UEVLD: variants seen among roughly 807,000 people sequenced by gnomAD.
UEVLD encodes the protein UEV and lactate/malate dehyrogenase domains, also known as ubiquitin-conjugating enzyme E2 variant 3.
In UEVLD, 47 loss-of-function variants were observed where a neutral mutation model predicts 58.6. The ratio of observed to expected loss-of-function variants is 0.80; its 90% confidence interval spans 0.63 to 1.02. The LOEUF (loss-of-function observed/expected upper bound fraction) is 1.02. UEVLD is among the 50% of genes least tolerant of loss of function. The pLI is 0.00. For missense variants in UEVLD, 510 were observed against 550.6 expected (o/e 0.93, Z 0.74); for synonymous variants, 197 against 195.3 (o/e 1.01, Z -0.07).
At chr11:18,562,401 G>T (rs1199271156) in intron 6 of UEVLD, among the ~76,000 whole-genome samples, 2 of 152,088 alleles carry the variant, frequency 1.3e-5, no homozygotes, top group Admixed American at 6.6e-5. Context: ...AATTAGCTGG[G>T]TGTAGTGGCA....
At position 18,558,150 on chromosome 11, in the gene UEVLD, T is replaced by C. The variant is rs561375799; in HGVS notation, c.715+78A>G. The C allele has an allele frequency of 2.6e-5, 26 of 995,288 alleles. No individual in the cohort carries two copies. In the African/African-American group the frequency reaches 3.2e-4, roughly 12 times the overall value. 61.7% of individuals were successfully genotyped at this position (995,288 alleles called of 1,614,324 possible). On this transcript the variant is annotated intron_variant, in intron 7 of 11. Coordinates refer to ENST00000396197, the MANE Select transcript of UEVLD (RefSeq NM_001040697.4). Reference sequence around the variant, plus strand: ...GACTTGGACAAGGTGATCTTTAAGGTGCTTTTCAGCATTAACATTCTAGGA... The same window carrying C: ...GACTTGGACAAGGTGATCTTTAAGGCGCTTTTCAGCATTAACATTCTAGGA...
intron 1 of UEVLD, among the ~76,000 whole-genome samples, chr11:18,584,951 G>T (rs1339048540): frequency 6.6e-6 from 1 of 152,058 alleles, no homozygotes; most frequent in Middle Eastern, 3.2e-3. Flanking sequence ...TTCTAATATT[G>T]ATTTGTAGGC....
chr11:18,564,387 A>T (rs1455057733), intron 6 of UEVLD, among the ~76,000 whole-genome samples: 1 of 152,188 alleles, frequency 6.6e-6, no homozygotes, highest in Non-Finnish European at 1.5e-5. Flanking sequence ...ACCTCTCTGG[A>T]AGGGCATTTA....
chr11:18,588,094 G>C (rs539728238), intron 1 of UEVLD, among the ~76,000 whole-genome samples: 11 of 152,236 alleles, frequency 7.2e-5, no homozygotes, highest in Non-Finnish European at 1.3e-4. Flanking sequence ...ATAGTGGCTA[G>C]AGGAAGGGAA....
At chr11:18,544,926 A>C in intron 8 of UEVLD, 130 bp from the exon 9 acceptor site, 1 of 518,188 alleles carries the variant, frequency 1.9e-6, no homozygotes, top group South Asian at 3.0e-5. Flanking sequence ...ATGTATATAT[A>C]TACACACACA....
intron 7 of UEVLD, among the ~76,000 whole-genome samples, chr11:18,554,123 CTT>C (rs896403401): frequency 1.2e-4 from 18 of 152,120 alleles, no homozygotes; most frequent in African/African-American, 3.4e-4. Flanking sequence ...GAGTTTCGCT[CTT>C]GTTGCCCCCA....
chr11:18,538,726 A>G (rs1300573016), intron 9 of UEVLD, among the ~76,000 whole-genome samples: 5 of 151,786 alleles, frequency 3.3e-5, no homozygotes, highest in Non-Finnish European at 7.4e-5. Context: ...TACTTGCCAT[A>G]GTTAAGTTGA....
chr11:18,547,408 T>G (rs1440603344), intron 7 of UEVLD, among the ~76,000 whole-genome samples: 1 of 152,076 alleles, frequency 6.6e-6, no homozygotes, highest in Non-Finnish European at 1.5e-5. Flanking sequence ...GACTGTAGTC[T>G]CAGCTACTCA....
intron 3 of UEVLD, 138 bp from the exon 4 acceptor site, chr11:18,570,515 G>T: frequency 1.3e-6 from 1 of 746,534 alleles, no homozygotes; most frequent in Non-Finnish European, 2.0e-6. Flanking sequence ...GGATGCTGAG[G>T]TGAGCAGATT....
At chr11:18,562,195 A>C (rs1852067957) in intron 6 of UEVLD, among the ~76,000 whole-genome samples, 3 of 152,092 alleles carry the variant, frequency 2.0e-5, no homozygotes, top group Admixed American at 2.0e-4. Context: ...AGCAATCCTC[A>C]GCCACCCAAG....
intron 6 of UEVLD, among the ~76,000 whole-genome samples, chr11:18,559,261 C>T (rs977210135): frequency 3.3e-5 from 5 of 152,014 alleles, no homozygotes; most frequent in African/African-American, 9.7e-5. Context: ...TGCATTAGCA[C>T]GAGCTCAGCT....
At position 18,570,979 on chromosome 11, in the gene UEVLD, A is replaced by C. The variant is rs184302288; in HGVS notation, c.194-602T>G. Among the ~76,000 whole-genome samples, 307 of 152,180 alleles carry C rather than the reference A, an allele frequency of 2.0e-3. 4 individuals are homozygous for C. Among genetic ancestry groups the C allele is most frequent in the Non-Finnish European group, 1.8e-4 (12 of 68,004 alleles). On this transcript the variant is annotated intron_variant, in intron 3 of 11. Transcript: ENST00000396197. ...AATCAAATTTTCAAAAATGTTTACT[A>C]ATATAGCCAGAGTGGCAGCCCAAAT...
Position 18,578,841 on chromosome 11 carries a change from T to A in UEVLD, c.43-33A>T, listed in dbSNP as rs2134061386. 3 of 1,465,552 alleles carry A rather than the reference T, an allele frequency of 2.0e-6. No homozygotes were observed. In the East Asian group the frequency reaches 6.8e-5, roughly 33 times the overall value. The allele number at this position is 1,465,552 out of a possible 1,614,324, so 90.8% of individuals were successfully genotyped here. ...GAGAAAAATAAGCATGGAGTAAGAATAAAGCTGTAAGCAAAAGAACAATTG... is the reference window on the plus strand; with the variant it reads ...GAGAAAAATAAGCATGGAGTAAGAAAAAAGCTGTAAGCAAAAGAACAATTG... On this transcript the variant is annotated intron_variant, in intron 1 of 11. Coordinates refer to ENST00000396197, the MANE Select transcript of UEVLD (RefSeq NM_001040697.4).
intron 9 of UEVLD, 122 bp from the exon 10 acceptor site, chr11:18,536,591 T>C: frequency 1.3e-6 from 1 of 798,370 alleles, no homozygotes; most frequent in East Asian, 2.7e-5. Context: ...TTCTCATTTC[T>C]AGCAAGTTAG....
chr11:18,561,613 G>A (rs142957357), intron 6 of UEVLD, among the ~76,000 whole-genome samples: 2,325 of 152,090 alleles, frequency 0.015, 71 homozygotes, highest in African/African-American at 0.053. Context: ...AGGCCGAGGC[G>A]GGCAGATTGC....
At chr11:18,567,497 A>G (rs1482377879) in intron 4 of UEVLD, among the ~76,000 whole-genome samples, 2 of 152,250 alleles carry the variant, frequency 1.3e-5, no homozygotes. Flanking sequence ...TTGGGGACCA[A>G]GCAGGTAACG....
chr11:18,551,412 G>C (rs879489682), intron 7 of UEVLD, among the ~76,000 whole-genome samples: 15,722 of 135,258 alleles, frequency 0.12, 1,133 homozygotes, highest in South Asian at 0.24. Flanking sequence ...AACCGAGTAA[G>C]ACTCCATCAC....
At chr11:18,545,223 C>T (rs1851257184) in intron 8 of UEVLD, among the ~76,000 whole-genome samples, 1 of 150,970 alleles carries the variant, frequency 6.6e-6, no homozygotes, top group Non-Finnish European at 1.5e-5. Context: ...TAGGCACCTG[C>T]CACCATGCCC....
rs1049919243 is a variant in UEVLD at position 18,546,591 on chromosome 11, G to C, written c.886+289C>G. 2.0e-5 allele frequency among the ~76,000 whole-genome samples: 3 copies of C among 151,324 alleles called. No homozygotes were observed. The East Asian group carries it at 5.8e-4, about 29-fold the overall frequency. ...TGGCCTCACTGCAACCACCATCTCC[G>C]GGGTTCAAGCAATTCTCCCACCTCA... On this transcript the variant is annotated intron_variant, in intron 8 of 11. Coordinates refer to ENST00000396197, the MANE Select transcript of UEVLD (RefSeq NM_001040697.4).
Sources: gnomAD v4.1 joint callset for allele counts (sites outside exome capture counted in the v4.1 genomes callset) on GRCh38, gnomAD v4.1.1 for gene constraint, MANE v1.5 for transcripts, NCBI Gene and HGNC (gene_info 2026-07-23, HGNC 2026-07-21) for gene names.